NLRP14: variants seen among roughly 807,000 people sequenced by gnomAD.
NLRP14 encodes NACHT, LRR and PYD domains-containing protein 14.
NLRP14 carries 105 observed loss-of-function variants against 94.7 expected under a neutral mutation model. That is an observed-to-expected ratio of 1.11 (90% CI 0.95 to 1.30). The LOEUF is 1.30. NLRP14 is among the 50% of genes most tolerant of loss of function. The probability of loss-of-function intolerance (pLI) is 0.00; values close to 1 mark genes in which losing one functional copy is unlikely to be tolerated. For missense variants in NLRP14, 1,362 were observed against 1,254.1 expected (o/e 1.09, Z -1.30); for synonymous variants, 508 against 459.9 (o/e 1.10, Z -1.34).
intron 10 of NLRP14, 65 bp downstream of exon 10, chr11:7,062,568 T>C: frequency 1.4e-6 from 2 of 1,392,916 alleles, no homozygotes; most frequent in Non-Finnish European, 2.0e-6. Context: ...CTAGAAGATA[T>C]TTAGTGTATG....
At chr11:7,057,950 C>T in intron 7 of NLRP14, 103 bp downstream of exon 7, 1 of 925,286 alleles carries the variant, frequency 1.1e-6, no homozygotes. Flanking sequence ...CACTAACTGG[C>T]TCGTTTGTCA....
At chr11:7,078,236 A>G in the NLRP14 span, among the ~76,000 whole-genome samples, 4 of 151,326 alleles carry the variant, frequency 2.6e-5, no homozygotes, top group African/African-American at 9.7e-5. Flanking sequence ...CAGGAGATCA[A>G]GACCATCCTG....
At chr11:7,075,188 T>A (rs1303014894), downstream of NLRP14, among the ~76,000 whole-genome samples, 2 of 152,200 alleles carry the variant, frequency 1.3e-5, no homozygotes, top group African/African-American at 4.8e-5. Flanking sequence ...GTTGGCCAAC[T>A]GGGGATCCAT....
At chr11:7,069,777 C>T (rs1280225751) in intron 10 of NLRP14, among the ~76,000 whole-genome samples, 1 of 152,132 alleles carries the variant, frequency 6.6e-6, no homozygotes, top group Non-Finnish European at 1.5e-5. Flanking sequence ...CAGGCGCTTA[C>T]CACTACCCCC....
chr11:7,089,983 A>G, the NLRP14 span: 1 of 1,612,820 alleles, frequency 6.2e-7, no homozygotes, highest in Non-Finnish European at 8.5e-7. Flanking sequence ...AGCTACGGAG[A>G]GCTGCGCGGC....
chr11:7,080,847 G>A, the NLRP14 span, among the ~76,000 whole-genome samples: 2 of 152,208 alleles, frequency 1.3e-5, no homozygotes, highest in African/African-American at 4.8e-5. Flanking sequence ...GGTGCTCCTG[G>A]CCGATTGTGG....
chr11:7,021,109 A>G (rs953961992), intron 1 of NLRP14, among the ~76,000 whole-genome samples: 1 of 152,244 alleles, frequency 6.6e-6, no homozygotes, highest in Non-Finnish European at 1.5e-5. Context: ...TTGGTAGGAT[A>G]GTCATTACAA....
chr11:7,073,018 C>A (rs1230034202), downstream of NLRP14, among the ~76,000 whole-genome samples: 1 of 152,156 alleles, frequency 6.6e-6, no homozygotes, highest in Non-Finnish European at 1.5e-5. Context: ...GGCCCTCTCT[C>A]CTGCCCTGCT....
intron 1 of NLRP14, among the ~76,000 whole-genome samples, chr11:7,023,751 T>C (rs1205097854): frequency 6.6e-6 from 1 of 151,994 alleles, no homozygotes; most frequent in African/African-American, 2.4e-5. Context: ...TGCTTGGCTT[T>C]TGGGGAGGCT....
In NLRP14 at chr11:7,043,529, G is replaced by A; in HGVS notation, c.1503G>A (p.Gly501=). The A allele has an allele frequency of 6.2e-7, 1 of 1,614,120 alleles. No individual in the cohort carries two copies. Among genetic ancestry groups the A allele is most frequent in the Non-Finnish European group, 8.5e-7 (1 of 1,180,006 alleles). Residue 501 remains glycine (G), a synonymous_variant, in exon 4 of 12, where the codon GGG becomes GGA. Transcript: ENST00000299481. Reference sequence around the variant, plus strand: ...TGTTGAAAGGCAGTTGGGAAGCTGGGAACCCTTCCTGCCAGCCTTTTGAAG... The same window carrying A: ...TGTTGAAAGGCAGTTGGGAAGCTGGAAACCCTTCCTGCCAGCCTTTTGAAG... ...FYMLKGSWEA[G]NPSCQPFEDL...
At chr11:7,082,310 A>G in the NLRP14 span, among the ~76,000 whole-genome samples, 2 of 152,178 alleles carry the variant, frequency 1.3e-5, no homozygotes, top group African/African-American at 4.8e-5. Context: ...TTTACCAACA[A>G]TGCAAGTGTA....
At chr11:7,021,796 TAAAAA>T (rs1851944274) in intron 1 of NLRP14, among the ~76,000 whole-genome samples, 1 of 150,996 alleles carries the variant, frequency 6.6e-6, no homozygotes, top group South Asian at 2.1e-4. Context: ...TTAAATACAT[TAAAAA>T]GCAATGTATT....
chr11:7,032,774 A>G (rs1383638344), intron 1 of NLRP14, among the ~76,000 whole-genome samples: 1 of 152,102 alleles, frequency 6.6e-6, no homozygotes, highest in Non-Finnish European at 1.5e-5. Context: ...ATTCTGATCT[A>G]TTTGTATCAT....
At chr11:7,024,368 A>C (rs868224518) in intron 1 of NLRP14, among the ~76,000 whole-genome samples, 12 of 152,200 alleles carry the variant, frequency 7.9e-5, no homozygotes, top group African/African-American at 2.9e-4. Flanking sequence ...GCTTATAGAA[A>C]ATTTATTGAT....
the NLRP14 span, among the ~76,000 whole-genome samples, chr11:7,083,843 A>G: frequency 1.4e-4 from 21 of 152,120 alleles, no homozygotes; most frequent in Non-Finnish European, 4.4e-5. Context: ...TTCTACCTTA[A>G]TGCACTCCTC....
intron 6 of NLRP14, among the ~76,000 whole-genome samples, chr11:7,050,572 C>G (rs1327400860): frequency 6.6e-6 from 1 of 152,154 alleles, no homozygotes; most frequent in Non-Finnish European, 1.5e-5. Flanking sequence ...GGACTCAGTT[C>G]AGGGTGGCCA....
At chr11:7,037,222 GT>G in intron 1 of NLRP14, among the ~76,000 whole-genome samples, 1 of 152,238 alleles carries the variant, frequency 6.6e-6, no homozygotes, top group Admixed American at 6.5e-5. Flanking sequence ...TATAGGACTT[GT>G]TTTTGTCAGA....
rs140118156 is a variant in NLRP14 at position 7,024,920 on chromosome 11, A to G, written c.-22+4150A>G. Among the ~76,000 whole-genome samples the G allele has an allele frequency of 2.5e-3, 374 of 152,274 alleles. 3 individuals carry two copies. Among genetic ancestry groups the G allele is most frequent in the African/African-American group, 8.8e-3 (366 of 41,574 alleles). ...AAAAAGATAGAGATGGAAATCATGA[A>G]AAAAAGATGATAGGCTTAAATAGTA... On this transcript the variant is annotated intron_variant, in intron 1 of 11. Coordinates refer to ENST00000299481, the MANE Select transcript of NLRP14 (RefSeq NM_176822.4).
chr11:7,052,632 TA>T (rs200340101), intron 6 of NLRP14, among the ~76,000 whole-genome samples: 4,705 of 151,056 alleles, frequency 0.031, 98 homozygotes, highest in Middle Eastern at 0.068. Context: ...AGACTGTGTT[TA>T]AAAAAAAACA....
Sources: gnomAD v4.1 joint callset for allele counts (sites outside exome capture counted in the v4.1 genomes callset) on GRCh38, gnomAD v4.1.1 for gene constraint, MANE v1.5 for transcripts, NCBI Gene and HGNC (gene_info 2026-07-23, HGNC 2026-07-21) for gene names.